Variants in NECTIN3 observed in about 807,000 individuals in gnomAD.
NECTIN3 encodes the protein nectin-3.
Under a neutral mutation model 49.4 loss-of-function variants are expected in NECTIN3, and 8 were observed. The ratio of observed to expected loss-of-function variants is 0.16; its 90% CI spans 0.10 to 0.29. The LOEUF is 0.29. Among genes scored for constraint, NECTIN3 ranks in the 10% least tolerant of loss-of-function variants. The pLI is 1.00. For synonymous variants in NECTIN3, 277 were observed against 241.1 expected (o/e 1.15, Z -1.38); for missense variants, 581 against 654.6 (o/e 0.89, Z 1.23).
chr3:111,107,294 C>G (rs1266229959), intron 1 of NECTIN3, among the ~76,000 whole-genome samples: 3 of 152,114 alleles, frequency 2.0e-5, no homozygotes. Flanking sequence ...GTTGTGTTTT[C>G]ATGGTTGTAG....
At chr3:111,118,990 C>T in intron 3 of NECTIN3, 38 bp downstream of exon 3, 4 of 1,478,960 alleles carry the variant, frequency 2.7e-6, no homozygotes, top group Non-Finnish European at 1.8e-6. Flanking sequence ...AAATATTTGT[C>T]AGCATGTTTA....
rs1233141568 is a variant in NECTIN3, at chr3:111,089,910, T to G, written c.160+17733T>G. On this transcript the variant is annotated intron_variant, in intron 1 of 5. Coordinates refer to ENST00000485303, the MANE Select transcript of NECTIN3 (RefSeq NM_015480.3). ...ATTTTTTCTTTTGATTCTGTGAATT[T>G]TTGCCCCGTGCATATTAGGTTATGA... is the stretch of plus-strand genomic sequence containing the variant. Among the ~76,000 whole-genome samples, 5 of 152,286 alleles carry G rather than the reference T, an allele frequency of 3.3e-5. No individual in the cohort carries two copies. In the East Asian group the frequency reaches 9.6e-4, roughly 29 times the overall value.
In NECTIN3 at chr3:111,135,753, C is replaced by T; in HGVS notation, c.*1538C>T. ...TCTAAAACATTTAGGGGGCAAAATT[C>T]TAACATGTTCATGGTATCTTGCAAA... On this transcript the variant is annotated 3_prime_UTR_variant, in exon 6 of 6. Coordinates refer to ENST00000485303, the MANE Select transcript of NECTIN3 (RefSeq NM_015480.3). 1.4e-5 allele frequency: 13 copies of T among 960,596 alleles called. No homozygotes were observed. Among genetic ancestry groups the T allele is most frequent in the Non-Finnish European group, 1.5e-5 (12 of 807,670 alleles). 59.5% of individuals were successfully genotyped at this position (960,596 alleles called of 1,614,324 possible).
chr3:111,150,510 A>T (rs555464994), intron 7 of NECTIN3, among the ~76,000 whole-genome samples: 2 of 152,060 alleles, frequency 1.3e-5, no homozygotes, highest in East Asian at 3.9e-4. Context: ...ATGTGATGAA[A>T]TGTAATATAT....
At chr3:111,182,934 C>T (rs760370186) in intron 7 of NECTIN3, among the ~76,000 whole-genome samples, 1 of 151,526 alleles carries the variant, frequency 6.6e-6, no homozygotes, top group African/African-American at 2.4e-5. Context: ...ACTTTTCCTG[C>T]CTTCTTTTAA....
Position 111,135,970 on chromosome 3 carries a change from A to C in NECTIN3, c.*1755A>C. On this transcript the variant is annotated 3_prime_UTR_variant, in exon 6 of 6. Coordinates refer to ENST00000485303, the MANE Select transcript of NECTIN3 (RefSeq NM_015480.3). Reference sequence around the variant, plus strand: ...TTCTTACAAATGTCTGGGTTTTAATATGGTTAATCACTTATATACAAATAT... The same window carrying C: ...TTCTTACAAATGTCTGGGTTTTAATCTGGTTAATCACTTATATACAAATAT... 3.2e-6 allele frequency: 3 copies of C among 944,868 alleles called. No homozygotes were observed. The highest frequency in any genetic ancestry group is 3.8e-6 in the Non-Finnish European group (3 of 793,442). The allele number at this position is 944,868 out of a possible 1,614,324, so 58.5% of individuals were successfully genotyped here.
At position 111,136,390 on chromosome 3, in the gene NECTIN3, G is replaced by A. The variant is rs1257180955; in HGVS notation, c.*2175G>A. ...TCTTTTGTGTTTGTTTGGCGGGAGA[G>A]GGTGACCTGGAAAGCCACAAGTGAG... On this transcript the variant is annotated 3_prime_UTR_variant, in exon 6 of 6. Coordinates refer to ENST00000485303, the MANE Select transcript of NECTIN3 (RefSeq NM_015480.3). The A allele has an allele frequency of 1.0e-6, 1 of 984,566 alleles. No individual in the cohort carries two copies. The highest frequency in any genetic ancestry group is 4.7e-5 in the South Asian group (1 of 21,274). 61.0% of individuals were successfully genotyped at this position (984,566 alleles called of 1,614,324 possible). A position where few individuals can be genotyped will look rare whatever the true frequency, so the allele number is the denominator to read the frequency against.
At chr3:111,074,277 G>A in intron 1 of NECTIN3, 2 of 456,214 alleles carry the variant, frequency 4.4e-6, no homozygotes, top group South Asian at 3.1e-5. Flanking sequence ...ACAAGTTGTT[G>A]ATTTAACTAC....
intron 7 of NECTIN3, among the ~76,000 whole-genome samples, chr3:111,158,684 C>G (rs2035147859): frequency 6.6e-6 from 1 of 152,068 alleles, no homozygotes; most frequent in Admixed American, 6.5e-5. Flanking sequence ...TGCATGTTCA[C>G]ACACAAACAC....
intron 1 of NECTIN3, among the ~76,000 whole-genome samples, chr3:111,108,223 AT>A (rs10576910): frequency 0.63 from 85,577 of 136,368 alleles, 30,402 homozygotes; most frequent in Non-Finnish European, 0.83. Context: ...CCACTTCTAA[AT>A]TTTTTTTTTT....
chr3:111,083,267 C>T (rs531870691), intron 1 of NECTIN3, among the ~76,000 whole-genome samples: 3 of 152,232 alleles, frequency 2.0e-5, no homozygotes, highest in African/African-American at 7.2e-5. Context: ...TGTGAGGGAA[C>T]AAGACTATGT....
chr3:111,078,901 A>T (rs2031415996), intron 1 of NECTIN3, among the ~76,000 whole-genome samples: 1 of 152,130 alleles, frequency 6.6e-6, no homozygotes, highest in Non-Finnish European at 1.5e-5. Context: ...TGCTTCTGTG[A>T]GATGTATCGT....
intron 6 of NECTIN3, among the ~76,000 whole-genome samples, chr3:111,145,269 A>C (rs1559807414): frequency 6.6e-6 from 1 of 152,200 alleles, no homozygotes. Context: ...CACCTAGAGC[A>C]TATTAGACAT....
At chr3:111,171,506 A>G (rs891682087) in intron 7 of NECTIN3, among the ~76,000 whole-genome samples, 8 of 152,188 alleles carry the variant, frequency 5.3e-5, no homozygotes, top group Non-Finnish European at 8.8e-5. Flanking sequence ...CTTAGACTTT[A>G]GTAGTTATGT....
chr3:111,175,482 A>C (rs565293174), intron 7 of NECTIN3, among the ~76,000 whole-genome samples: 1 of 152,092 alleles, frequency 6.6e-6, no homozygotes, highest in African/African-American at 2.4e-5. Context: ...TTGTTGTTTA[A>C]CTGTTTGAAT....
chr3:111,136,953 A>AG lies in NECTIN3; in HGVS notation c.*2741dup, dbSNP rs2034599803. 1 of 975,460 alleles carries AG rather than the reference A, an allele frequency of 1.0e-6. No individual in the cohort carries two copies. The highest frequency in any genetic ancestry group is 1.2e-6 in the Non-Finnish European group (1 of 821,198). The allele number at this position is 975,460 out of a possible 1,614,324, so 60.4% of individuals were successfully genotyped here. ...TTTAGTATTTTACCACGTGCCTAGT[A>AG]GGGTTCTATTTGCTAACTCTAATAT... On this transcript the variant is annotated 3_prime_UTR_variant, in exon 6 of 6. Transcript: ENST00000485303.
intron 1 of NECTIN3, among the ~76,000 whole-genome samples, chr3:111,083,235 G>C (rs987196120): frequency 6.6e-6 from 1 of 152,144 alleles, no homozygotes; most frequent in South Asian, 2.1e-4. Flanking sequence ...GGGAAAGAAA[G>C]GAAAGAGAAA....
chr3:111,093,044 GTTGGTA>G (rs1186174297), intron 1 of NECTIN3, among the ~76,000 whole-genome samples: 4 of 152,040 alleles, frequency 2.6e-5, no homozygotes, highest in African/African-American at 9.7e-5. Context: ...TTCATATTTT[GTTGGTA>G]TTGTCAGTGG....
chr3:111,132,863 G>A (rs191397362), intron 5 of NECTIN3, among the ~76,000 whole-genome samples: 3 of 152,006 alleles, frequency 2.0e-5, no homozygotes, highest in Admixed American at 2.0e-4. Flanking sequence ...TAGACATGGT[G>A]ATGACATTTT....
Sources: allele counts gnomAD v4.1 joint callset (sites outside exome capture counted in the v4.1 genomes callset), GRCh38; gene constraint gnomAD v4.1.1; transcripts MANE v1.5; gene names NCBI Gene and HGNC (gene_info 2026-07-23, HGNC 2026-07-21).